Variants in EBF4 observed in about 807,000 individuals in gnomAD.
The protein encoded by EBF4 is EBF transcription factor 4, also known as transcription factor COE4.
In EBF4, 34 loss-of-function variants were observed where a neutral mutation model predicts 67.1. That is an observed-to-expected ratio of 0.51 (90% CI 0.39 to 0.67). The LOEUF (loss-of-function observed/expected upper bound fraction) is 0.67, where lower values mean the gene tolerates loss of function less well. EBF4 is among the 30% of genes least tolerant of loss of function. The pLI is 0.00. For synonymous variants in EBF4, 387 were observed against 377.7 expected (o/e 1.02, Z -0.29); for missense variants, 837 against 873.3 (o/e 0.96, Z 0.52).
chr20:2,754,230 C>T (rs1402342204), intron 14 of EBF4, among the ~76,000 whole-genome samples: 2 of 152,142 alleles, frequency 1.3e-5, no homozygotes, highest in South Asian at 2.1e-4. Flanking sequence ...CTTTGTGGCC[C>T]GACTCCAAGG....
chr20:2,736,907 C>T (rs746453260), intron 6 of EBF4, among the ~76,000 whole-genome samples: 1 of 152,162 alleles, frequency 6.6e-6, no homozygotes, highest in Non-Finnish European at 1.5e-5. Flanking sequence ...CCAGACTGGC[C>T]TCCATGCTGA....
At chr20:2,736,533 C>T (rs1201931268) in intron 6 of EBF4, among the ~76,000 whole-genome samples, 1 of 152,224 alleles carries the variant, frequency 6.6e-6, no homozygotes, top group African/African-American at 2.4e-5. Context: ...CCATCTCCTT[C>T]CACGCTTTCC....
At chr20:2,758,332 G>A (rs1193112105) in intron 15 of EBF4, among the ~76,000 whole-genome samples, 1 of 152,196 alleles carries the variant, frequency 6.6e-6, no homozygotes, top group Non-Finnish European at 1.5e-5. Context: ...CTCTACGGTG[G>A]CTTTGAAAGG....
intron 7 of EBF4, 48 bp from the exon 8 acceptor site, chr20:2,749,353 G>A (rs1227720794): frequency 7.0e-7 from 1 of 1,432,428 alleles, no homozygotes; most frequent in South Asian, 1.3e-5. Flanking sequence ...TTCCCCTCCC[G>A]GGAGCCCCCG....
chr20:2,705,010 G>A (rs1009518473), intron 1 of EBF4, among the ~76,000 whole-genome samples: 1 of 152,238 alleles, frequency 6.6e-6, no homozygotes, highest in Non-Finnish European at 1.5e-5. Context: ...TCTACACTTT[G>A]GGGGTGCTCC....
At position 2,729,377 on chromosome 20, in the gene EBF4, G is replaced by A. The variant is rs149867432; in HGVS notation, c.558-19172G>A. Among the ~76,000 whole-genome samples, 647 of 152,268 alleles carry A rather than the reference G, an allele frequency of 4.2e-3. 6 individuals carry two copies. The highest frequency in any genetic ancestry group is 0.014 in the African/African-American group (601 of 41,540). On this transcript the variant is annotated intron_variant, in intron 6 of 16. Transcript: ENST00000609451. ...GCCACCCCCACCAATGTCTGGCCCC[G>A]CTTAGCTACTCAGGATGAGCTTGCC...
At position 2,693,813 on chromosome 20, in the gene EBF4, G is replaced by C; in HGVS notation, c.137+31G>C. 1 of 1,263,962 alleles carries C rather than the reference G, an allele frequency of 7.9e-7. No individual in the cohort carries two copies. The highest frequency in any genetic ancestry group is 1.0e-6 in the Non-Finnish European group (1 of 1,003,828). 78.3% of individuals were successfully genotyped at this position (1,263,962 alleles called of 1,614,324 possible). The stretch of plus-strand genomic sequence containing the variant: ...CGCTCGGACCGGACCCGGTGCGCTC[G>C]GGTTGGACGGCTGCGCGCCGCCTCA... On this transcript the variant is annotated intron_variant, in intron 1 of 16. Coordinates refer to ENST00000609451, the Ensembl canonical transcript of EBF4. The surrounding 1 kb of genome is among the most constrained non-coding windows in gnomAD (Gnocchi z 4.6).
rs534650080 is a variant in EBF4, at chr20:2,737,581, C to T, written c.558-10968C>T. Among the ~76,000 whole-genome samples, 22 of 152,092 alleles carry T rather than the reference C, an allele frequency of 1.4e-4. No homozygotes were observed. The East Asian group carries it at 4.3e-3, about 30-fold the overall frequency. ...TTAGTAGGATGTATTCATGCAGTGC[C>T]CAGCACAGTGACTGCCTCAGAGTCA... is the stretch of plus-strand genomic sequence containing the variant. On this transcript the variant is annotated intron_variant, in intron 6 of 16. Transcript: ENST00000609451.
intron 6 of EBF4, among the ~76,000 whole-genome samples, chr20:2,715,974 C>T (rs1457884950): frequency 6.6e-6 from 1 of 151,948 alleles, no homozygotes; most frequent in African/African-American, 2.4e-5. Context: ...GTCTCGAACT[C>T]CTGACCTCAA....
In EBF4 at chr20:2,707,850, G is replaced by A. The variant is rs1392302813; in HGVS notation, c.415-97G>A. ...CTCTTCCCTGGGGCAGGGTCTCCCT[G>A]GGCCTAGGCTTGGGAGATGCCAGGT... On this transcript the variant is annotated intron_variant, in intron 4 of 16. Transcript: ENST00000609451. This position sits in a 1 kb window ranked among gnomAD's most constrained non-coding sequence, Gnocchi z 4.6. 1 of 1,237,954 alleles carries A rather than the reference G, an allele frequency of 8.1e-7. No homozygotes were observed. The highest frequency in any genetic ancestry group is 1.5e-5 in the African/African-American group (1 of 65,768). The allele number at this position is 1,237,954 out of a possible 1,614,324, so 76.7% of individuals were successfully genotyped here.
chr20:2,738,430 T>G (rs568710635), intron 6 of EBF4, among the ~76,000 whole-genome samples: 1 of 152,224 alleles, frequency 6.6e-6, no homozygotes, highest in East Asian at 1.9e-4. Flanking sequence ...GTTCGTGGAC[T>G]CTGATAGCCT....
chr20:2,739,937 A>T lies in EBF4; in HGVS notation c.558-8612A>T, dbSNP rs992533885. Among the ~76,000 whole-genome samples the T allele has an allele frequency of 1.1e-4, 17 of 152,218 alleles. No homozygotes were observed. Among genetic ancestry groups the T allele is most frequent in the African/African-American group, 4.1e-4 (17 of 41,458 alleles). Reference sequence around the variant, plus strand: ...TGGAACATCCTGCCCCAGCTCGTATATCCATTCACTGCATACCTTCTTTCT... The same window carrying T: ...TGGAACATCCTGCCCCAGCTCGTATTTCCATTCACTGCATACCTTCTTTCT... On this transcript the variant is annotated intron_variant, in intron 6 of 16. Transcript: ENST00000609451. This position sits in a 1 kb window ranked among gnomAD's most constrained non-coding sequence, Gnocchi z 4.5.
rs763788139 is a variant in EBF4 at position 2,755,645 on chromosome 20, C to T, written c.1559C>T (p.Pro520Leu). The change falls in exon 15 of 17, where the codon CCG (proline) becomes CTG (leucine). Residue 520 changes from proline to leucine, a missense_variant. Pro to Leu is a moderately conservative substitution (Grantham distance 98). Coordinates refer to ENST00000609451, the Ensembl canonical transcript of EBF4. This position sits in a 1 kb window ranked among gnomAD's most constrained non-coding sequence, Gnocchi z 4.7. ...CCCGGAGTCATGCCCTCTAGCCCCC[C>T]GCTGGCGGCTGCCTCCTCCATGTCC... is the stretch of plus-strand genomic sequence containing the variant. The T allele has an allele frequency of 8.5e-5, 131 of 1,540,262 alleles. No homozygotes were observed. Among genetic ancestry groups the T allele is most frequent in the Middle Eastern group, 1.7e-4 (1 of 5,962 alleles).
rs974461506 is a variant in EBF4 at position 2,746,842 on chromosome 20, G to A, written c.558-1707G>A. ...GTAAAATGAGGAAGCTGACTGACTG[G>A]AGAAACTCATACAGTGGCCCAGGAG... On this transcript the variant is annotated intron_variant, in intron 6 of 16. Transcript: ENST00000609451. Among the ~76,000 whole-genome samples the A allele has an allele frequency of 2.6e-5, 4 of 152,138 alleles. No homozygotes were observed. In the East Asian group the frequency reaches 5.8e-4, roughly 22 times the overall value.
chr20:2,726,241 A>T (rs952762855), intron 6 of EBF4, among the ~76,000 whole-genome samples: 1 of 151,922 alleles, frequency 6.6e-6, no homozygotes, highest in Non-Finnish European at 1.5e-5. Context: ...TTTCATGGGG[A>T]AATATGATGC....
At chr20:2,725,969 C>A (rs1451660801) in intron 6 of EBF4, among the ~76,000 whole-genome samples, 2 of 152,116 alleles carry the variant, frequency 1.3e-5, no homozygotes, top group South Asian at 2.1e-4. Context: ...AGTTCTATTG[C>A]CGGGGGGACC....
chr20:2,748,219 T>C (rs1156785439), intron 6 of EBF4, among the ~76,000 whole-genome samples: 2 of 152,124 alleles, frequency 1.3e-5, no homozygotes, highest in Non-Finnish European at 2.9e-5. Context: ...GTAATAAGTA[T>C]AGGTAGTGTA....
chr20:2,698,136 C>T (rs2087322955), intron 1 of EBF4, among the ~76,000 whole-genome samples: 1 of 152,184 alleles, frequency 6.6e-6, no homozygotes, highest in Non-Finnish European at 1.5e-5. Context: ...AGGGGGAGAG[C>T]AGGCCTGTGA....
intron 1 of EBF4, 86 bp from the exon 2 acceptor site, chr20:2,705,491 G>A (rs2087439061): frequency 6.5e-7 from 1 of 1,536,334 alleles, no homozygotes; most frequent in East Asian, 2.4e-5. Context: ...CCATGTCCTG[G>A]CTAGCATGCC....
Sources: allele counts gnomAD v4.1 joint callset (sites outside exome capture counted in the v4.1 genomes callset), GRCh38; gene constraint gnomAD v4.1.1; non-coding constraint Gnocchi (gnomAD v3.1); transcripts MANE v1.5; gene names NCBI Gene and HGNC (gene_info 2026-07-23, HGNC 2026-07-21).